The following CALN1 variants were observed in gnomAD, a reference collection of about 807,000 sequenced individuals.
CALN1 encodes calneuron 1.
A neutral mutation model predicts 30.6 loss-of-function variants in CALN1; 17 were observed. The ratio of observed to expected loss-of-function variants is 0.56; its 90% CI spans 0.38 to 0.83. The LOEUF is 0.83. CALN1 is among the 40% of genes least tolerant of loss of function. CALN1 has a pLI of 0.00. For missense variants in CALN1, 291 were observed against 354.9 expected (o/e 0.82, Z 1.45); for synonymous variants, 156 against 131.4 (o/e 1.19, Z -1.28).
chr7:71,806,111 C>T (rs1026414907), intron 6 of CALN1, among the ~76,000 whole-genome samples: 1 of 152,096 alleles, frequency 6.6e-6, no homozygotes, highest in African/African-American at 2.4e-5. Context: ...TGGCTTAATG[C>T]GTAGGTAATG....
chr7:72,415,127 A>C (rs1807381428), upstream of CALN1, among the ~76,000 whole-genome samples: 1 of 152,236 alleles, frequency 6.6e-6, no homozygotes, highest in African/African-American at 2.4e-5. Context: ...TCCAGCCTCC[A>C]TAGCTGTGAG....
At chr7:71,924,125 G>A (rs763218732) in intron 5 of CALN1, among the ~76,000 whole-genome samples, 24 of 147,760 alleles carry the variant, frequency 1.6e-4, no homozygotes, top group South Asian at 2.1e-4. Flanking sequence ...CCCAGGAGGC[G>A]AAGGTTGCAG....
At chr7:72,484,541 C>A in the CALN1 span, among the ~76,000 whole-genome samples, 1 of 152,180 alleles carries the variant, frequency 6.6e-6, no homozygotes. Context: ...ACCGCCCGCC[C>A]CCGCGTAGTT....
intron 5 of CALN1, among the ~76,000 whole-genome samples, chr7:71,910,059 CAAGA>C (rs1322245667): frequency 9.1e-6 from 1 of 109,980 alleles, no homozygotes; most frequent in Non-Finnish European, 2.3e-5. Flanking sequence ...CATCAGATCT[CAAGA>C]GACTTATTCA....
intron 3 of CALN1, among the ~76,000 whole-genome samples, chr7:72,241,404 T>G (rs1340010346): frequency 6.6e-6 from 1 of 152,076 alleles, no homozygotes; most frequent in Non-Finnish European, 1.5e-5. Context: ...CCCACACATT[T>G]ACTTAAACAA....
At chr7:72,016,139 C>G (rs774554844) in intron 5 of CALN1, among the ~76,000 whole-genome samples, 61 of 150,332 alleles carry the variant, frequency 4.1e-4, no homozygotes, top group Middle Eastern at 3.2e-3. Flanking sequence ...ATCCCAGCTA[C>G]TTGGGAGGCA....
At chr7:72,134,317 T>C (rs1043225284) in intron 3 of CALN1, among the ~76,000 whole-genome samples, 3 of 152,206 alleles carry the variant, frequency 2.0e-5, no homozygotes, top group African/African-American at 7.2e-5. Context: ...TCCAAGGTAT[T>C]TTGTTATAGC....
chr7:71,940,537 T>G (rs1342799110), intron 5 of CALN1, among the ~76,000 whole-genome samples: 1 of 152,240 alleles, frequency 6.6e-6, no homozygotes, highest in Non-Finnish European at 1.5e-5. Flanking sequence ...TTGTTTACTT[T>G]CCAATACCAT....
At chr7:71,920,717 G>A (rs999087110) in intron 5 of CALN1, among the ~76,000 whole-genome samples, 6 of 152,046 alleles carry the variant, frequency 3.9e-5, no homozygotes, top group Admixed American at 1.3e-4. Flanking sequence ...GTTTTATTGA[G>A]CACATATGCC....
At chr7:72,136,453 A>G (rs1260435910) in intron 3 of CALN1, among the ~76,000 whole-genome samples, 1 of 152,140 alleles carries the variant, frequency 6.6e-6, no homozygotes, top group East Asian at 1.9e-4. Flanking sequence ...GGCTTAAGGG[A>G]ATGTTGTGGC....
chr7:71,986,058 T>TG (rs900271740), intron 5 of CALN1, among the ~76,000 whole-genome samples: 31 of 151,214 alleles, frequency 2.1e-4, no homozygotes, highest in African/African-American at 7.0e-4. Context: ...ATCTTTCTCT[T>TG]TTTTTTTTGA....
intron 3 of CALN1, among the ~76,000 whole-genome samples, chr7:72,229,698 C>T (rs1018037537): frequency 2.0e-5 from 3 of 151,922 alleles, no homozygotes; most frequent in African/African-American, 4.8e-5. Context: ...AACCAAACAC[C>T]GCATGTTCTC....
intron 3 of CALN1, among the ~76,000 whole-genome samples, chr7:72,184,052 C>G (rs932236244): frequency 2.0e-5 from 3 of 152,168 alleles, no homozygotes; most frequent in Non-Finnish European, 4.4e-5. Context: ...TCTCCAAGAA[C>G]CTTTGCTAAA....
chr7:71,891,482 C>G (rs1793235974), intron 5 of CALN1, among the ~76,000 whole-genome samples: 1 of 152,198 alleles, frequency 6.6e-6, no homozygotes, highest in South Asian at 2.1e-4. Context: ...ATTATTTATC[C>G]TAGACTCCCA....
rs772721855 is a variant in CALN1, at chr7:72,181,658, G to T, written c.245-75364C>A. On this transcript the variant is annotated intron_variant, in intron 3 of 6. Coordinates refer to ENST00000395275, the MANE Select transcript of CALN1 (RefSeq NM_031468.4). ...ATGCTGGCTAATTTTTGTATTTTTAGTAGAGTCATGGTTTCGCCATGTTGG... is the reference window on the plus strand; with the variant it reads ...ATGCTGGCTAATTTTTGTATTTTTATTAGAGTCATGGTTTCGCCATGTTGG... Among the ~76,000 whole-genome samples, 6 of 152,154 alleles carry T rather than the reference G, an allele frequency of 3.9e-5. 1 individual carries two copies. Among genetic ancestry groups the T allele is most frequent in the Non-Finnish European group, 8.8e-5 (6 of 68,018 alleles).
chr7:72,102,650 A>T (rs1054267476), intron 4 of CALN1, among the ~76,000 whole-genome samples: 1 of 152,246 alleles, frequency 6.6e-6, no homozygotes, highest in Non-Finnish European at 1.5e-5. Flanking sequence ...GAAGCTACTC[A>T]CAAAGGAAGG....
intron 4 of CALN1, among the ~76,000 whole-genome samples, chr7:72,025,682 C>G (rs1008141854): frequency 6.6e-6 from 1 of 152,164 alleles, no homozygotes; most frequent in African/African-American, 2.4e-5. Flanking sequence ...AAAAGGGCAA[C>G]TCCATCAAAA....
At chr7:72,080,284 C>T (rs1172007155) in intron 4 of CALN1, among the ~76,000 whole-genome samples, 1 of 152,188 alleles carries the variant, frequency 6.6e-6, no homozygotes, top group Non-Finnish European at 1.5e-5. Context: ...AATCCTTTAG[C>T]CTTATCTTTG....
intron 3 of CALN1, among the ~76,000 whole-genome samples, chr7:72,216,640 G>C (rs1792836950): frequency 1.3e-5 from 2 of 152,082 alleles, no homozygotes; most frequent in South Asian, 4.1e-4. Context: ...CTGAGTTCTA[G>C]ACATAGAGAA....
Sources: gnomAD v4.1 joint callset for allele counts (sites outside exome capture counted in the v4.1 genomes callset) on GRCh38, gnomAD v4.1.1 for gene constraint, MANE v1.5 for transcripts, NCBI Gene and HGNC (gene_info 2026-07-23, HGNC 2026-07-21) for gene names.